The following GLIS3 variants were observed in gnomAD, a reference collection of about 807,000 sequenced individuals.
The protein encoded by GLIS3 is GLIS family zinc finger 3.
A neutral mutation model predicts 78.6 loss-of-function variants in GLIS3; 53 were observed. The ratio of observed to expected loss-of-function variants is 0.67; its 90% CI spans 0.54 to 0.85. The LOEUF (loss-of-function observed/expected upper bound fraction) is 0.85. Ranked by LOEUF, GLIS3 falls within the 40% of genes least tolerant of loss-of-function variation. The probability of loss-of-function intolerance (pLI) is 0.00; values close to 1 mark genes in which losing one functional copy is unlikely to be tolerated. For missense variants in GLIS3, 1,703 were observed against 1,231.1 expected, an observed-to-expected ratio of 1.38 and a Z score of -5.74; for synonymous variants, 684 against 509.9, an observed-to-expected ratio of 1.34 and a Z score of -4.60.
the GLIS3 span, among the ~76,000 whole-genome samples, chr9:4,389,101 T>C: frequency 0.016 from 2,401 of 152,290 alleles, 67 homozygotes; most frequent in African/African-American, 0.055. Context: ...AGCTACTGAG[T>C]ACCTACTCTG....
intron 2 of GLIS3, among the ~76,000 whole-genome samples, chr9:4,162,936 G>T (rs1835609092): frequency 8.4e-6 from 1 of 118,372 alleles, no homozygotes; most frequent in Non-Finnish European, 1.9e-5. Flanking sequence ...ACCTCTTCAA[G>T]AAAATGTTCT....
At chr9:4,095,968 C>A (rs1478145075) in intron 4 of GLIS3, among the ~76,000 whole-genome samples, 1 of 145,458 alleles carries the variant, frequency 6.9e-6, no homozygotes, top group South Asian at 2.2e-4. Context: ...AAATGGGCTC[C>A]TTGCTCTTTG....
intron 2 of GLIS3, among the ~76,000 whole-genome samples, chr9:4,198,005 C>T (rs904192926): frequency 1.3e-5 from 2 of 152,076 alleles, no homozygotes; most frequent in African/African-American, 4.8e-5. Flanking sequence ...AATAAAAATT[C>T]CTGCCTGCAT....
chr9:3,934,205 G>A (rs1825769121), intron 5 of GLIS3, among the ~76,000 whole-genome samples: 2 of 152,122 alleles, frequency 1.3e-5, no homozygotes. Context: ...TCTTGCACTA[G>A]CCTTCCCTAC....
At chr9:4,033,619 G>A (rs772979784) in intron 4 of GLIS3, among the ~76,000 whole-genome samples, 3 of 152,086 alleles carry the variant, frequency 2.0e-5, no homozygotes, top group Non-Finnish European at 2.9e-5. Context: ...GCTAGAAATG[G>A]AGAATCCTAG....
At chr9:3,955,978 G>T (rs555706770) in intron 4 of GLIS3, among the ~76,000 whole-genome samples, 8 of 131,112 alleles carry the variant, frequency 6.1e-5, no homozygotes, top group Admixed American at 1.8e-4. Context: ...CCATACCATA[G>T]ACTGCTCCCA....
chr9:4,267,266 GTC>G (rs1387558777), intron 2 of GLIS3, among the ~76,000 whole-genome samples: 5 of 152,076 alleles, frequency 3.3e-5, no homozygotes, highest in Admixed American at 6.6e-5. Flanking sequence ...TGGACTCCAG[GTC>G]TCCAGTCTTC....
At chr9:4,276,333 AGAGGGAAGGAGAGG>A (rs1826980430) in intron 2 of GLIS3, among the ~76,000 whole-genome samples, 1 of 29,276 alleles carries the variant, frequency 3.4e-5, no homozygotes, top group Non-Finnish European at 6.9e-5. Flanking sequence ...GGAGGGGAGG[AGAGGGAAGGAGAGG>A]GCACGGGAGG....
chr9:4,159,723 G>A (rs77194091), intron 2 of GLIS3, among the ~76,000 whole-genome samples: 8 of 147,050 alleles, frequency 5.4e-5, no homozygotes, highest in Admixed American at 6.7e-5. Flanking sequence ...CATTTCAAAA[G>A]AAAAAAAAAA....
intron 4 of GLIS3, among the ~76,000 whole-genome samples, chr9:4,007,189 G>C (rs1563941318): frequency 6.6e-6 from 1 of 152,244 alleles, no homozygotes; most frequent in Non-Finnish European, 1.5e-5. Flanking sequence ...AGCCGTGCTT[G>C]AGCCTGCTTG....
At chr9:3,879,219 T>C (rs1290939501) in intron 8 of GLIS3, among the ~76,000 whole-genome samples, 1 of 152,226 alleles carries the variant, frequency 6.6e-6, no homozygotes, top group East Asian at 1.9e-4. Context: ...ATTGCCAGTA[T>C]CATTTCATTT....
chr9:3,869,293 G>GTA (rs957097953), intron 8 of GLIS3, among the ~76,000 whole-genome samples: 14 of 142,816 alleles, frequency 9.8e-5, no homozygotes, highest in African/African-American at 3.4e-4. Context: ...GTGTGTGTGT[G>GTA]TAAAAGCTGA....
chr9:4,313,321 G>C (rs1292483527), intron 2 of GLIS3, among the ~76,000 whole-genome samples: 1 of 152,132 alleles, frequency 6.6e-6, no homozygotes, highest in African/African-American at 2.4e-5. Flanking sequence ...TTCTTTCTCA[G>C]CCATTGCTGC....
chr9:4,152,970 A>G (rs1188544108), intron 2 of GLIS3, among the ~76,000 whole-genome samples: 2 of 152,196 alleles, frequency 1.3e-5, no homozygotes, highest in Non-Finnish European at 2.9e-5. Context: ...TAGCCTCTGC[A>G]TTACTGGCAT....
At chr9:4,083,463 G>A (rs1828730308) in intron 4 of GLIS3, among the ~76,000 whole-genome samples, 1 of 152,062 alleles carries the variant, frequency 6.6e-6, no homozygotes, top group South Asian at 2.1e-4. Context: ...ACTAATGAAT[G>A]TTTGAAGTGG....
At chr9:3,955,551 A>C (rs1473415686) in intron 4 of GLIS3, among the ~76,000 whole-genome samples, 2 of 152,156 alleles carry the variant, frequency 1.3e-5, no homozygotes, top group African/African-American at 4.8e-5. Flanking sequence ...CATCATACCA[A>C]TGAAAAAGGG....
chr9:3,929,338 G>GT (rs912856067), intron 6 of GLIS3, among the ~76,000 whole-genome samples: 21 of 151,858 alleles, frequency 1.4e-4, no homozygotes, highest in East Asian at 9.7e-4. Flanking sequence ...TTGCAGAAGA[G>GT]TTTTTTTTTC....
chr9:4,401,585 T>C, the GLIS3 span, among the ~76,000 whole-genome samples: 2 of 147,924 alleles, frequency 1.4e-5, no homozygotes, highest in African/African-American at 5.0e-5. Context: ...TTTTTTTTTT[T>C]GCAACAGAGT....
chr9:4,267,759 A>G lies in GLIS3; in HGVS notation c.388+18279T>C, dbSNP rs10217807. 3.3e-3 allele frequency among the ~76,000 whole-genome samples: 497 copies of G among 152,310 alleles called. 5 individuals are homozygous for G. Among genetic ancestry groups the G allele is most frequent in the African/African-American group, 0.011 (474 of 41,566 alleles). ...TTCATTCAGCTTCCTCATTTTACAAAGAGTACAGATTCAAATGTTAGTCTC... is the reference window on the plus strand; with the variant it reads ...TTCATTCAGCTTCCTCATTTTACAAGGAGTACAGATTCAAATGTTAGTCTC... On this transcript the variant is annotated intron_variant, in intron 2 of 10. Coordinates refer to ENST00000381971, the MANE Select transcript of GLIS3 (RefSeq NM_001042413.2).
Sources: gnomAD v4.1 joint callset for allele counts (sites outside exome capture counted in the v4.1 genomes callset) on GRCh38, gnomAD v4.1.1 for gene constraint, MANE v1.5 for transcripts, NCBI Gene and HGNC (gene_info 2026-07-23, HGNC 2026-07-21) for gene names.